Variants in CFI observed in about 807,000 individuals in gnomAD.
The protein encoded by CFI is C3B/C4B inactivator.
In CFI, 66 loss-of-function variants were observed where a neutral mutation model predicts 78.8. The observed-to-expected ratio is 0.84, with a 90% confidence interval of 0.69 to 1.03. The LOEUF is 1.03. CFI is among the 50% of genes least tolerant of loss of function. The probability of loss-of-function intolerance (pLI) is 0.00; values close to 1 mark genes in which losing one functional copy is unlikely to be tolerated. For missense variants in CFI, 706 were observed against 704.5 expected, an observed-to-expected ratio of 1.00 and a Z score of -0.02; for synonymous variants, 250 against 232.6, an observed-to-expected ratio of 1.07 and a Z score of -0.68.
At chr4:109,754,815 G>A (rs552653707) in intron 7 of CFI, among the ~76,000 whole-genome samples, 1 of 152,350 alleles carries the variant, frequency 6.6e-6, no homozygotes, top group South Asian at 2.1e-4. Flanking sequence ...AACAAAGGAA[G>A]ATGAGAAAGT....
intron 2 of CFI, among the ~76,000 whole-genome samples, chr4:109,766,099 C>CA (rs1727713698): frequency 6.6e-6 from 1 of 152,104 alleles, no homozygotes; most frequent in Admixed American, 6.5e-5. Context: ...GCCTGGGCAA[C>CA]AGAGCCAGAC....
intron 1 of CFI, among the ~76,000 whole-genome samples, chr4:109,776,355 T>A (rs1324904411): frequency 6.6e-6 from 1 of 151,978 alleles, no homozygotes; most frequent in Admixed American, 6.6e-5. Context: ...TTTGATCAAG[T>A]GGAAGAAAGG....
At chr4:109,733,577 G>T in the CFI span, among the ~76,000 whole-genome samples, 4 of 152,290 alleles carry the variant, frequency 2.6e-5, no homozygotes, top group South Asian at 8.3e-4. Flanking sequence ...GTGGAGGTGT[G>T]AAAAGTGGTC....
chr4:109,743,152 C>G (rs1276145074), intron 11 of CFI, among the ~76,000 whole-genome samples: 3 of 152,156 alleles, frequency 2.0e-5, no homozygotes, highest in Non-Finnish European at 4.4e-5. Flanking sequence ...CCCCACTCAG[C>G]CTCCCAAAGT....
intron 8 of CFI, 139 bp from the exon 9 acceptor site, chr4:109,749,741 T>C (rs1284767220): frequency 1.5e-6 from 1 of 652,326 alleles, no homozygotes; most frequent in Non-Finnish European, 2.8e-6. Flanking sequence ...TAAATTATTT[T>C]GAATGCTAAA....
downstream of CFI, among the ~76,000 whole-genome samples, chr4:109,738,759 A>G (rs1723529060): frequency 6.6e-6 from 1 of 152,210 alleles, no homozygotes; most frequent in African/African-American, 2.4e-5. Context: ...CAGCTGTCTA[A>G]GTCCGCCCAG....
chr4:109,768,221 G>A (rs1299063619), intron 1 of CFI, among the ~76,000 whole-genome samples: 2 of 138,762 alleles, frequency 1.4e-5, no homozygotes, highest in East Asian at 2.3e-4. Flanking sequence ...AACATGGCAC[G>A]TGTATGCATA....
downstream of CFI, among the ~76,000 whole-genome samples, chr4:109,738,376 T>C (rs2126175563): frequency 6.6e-6 from 1 of 152,266 alleles, no homozygotes; most frequent in Middle Eastern, 3.4e-3. Flanking sequence ...TCTCCCAAAG[T>C]GCTGAGATTA....
intron 12 of CFI, 56 bp from the exon 13 acceptor site, chr4:109,741,166 G>A (rs1223067302): frequency 1.9e-6 from 3 of 1,611,782 alleles, no homozygotes; most frequent in East Asian, 4.5e-5. Context: ...TTTCAAGGCT[G>A]CCATGCCTCC....
rs761808695 is a variant in CFI at position 109,760,404 on chromosome 4, GT to G, written c.773-25del. ...TGCTGTGCAAACATAAGCAGGAGAG[GT>G]TTTTTTCATTCCTTAAAGTTGAATG... On this transcript the variant is annotated intron_variant, in intron 5 of 12. Transcript: ENST00000394634. The G allele has an allele frequency of 3.3e-5, 53 of 1,588,444 alleles. 1 individual carries two copies. The highest frequency in any genetic ancestry group is 2.5e-4 in the South Asian group (23 of 90,554).
chr4:109,737,519 T>C (rs1723437185), downstream of CFI, among the ~76,000 whole-genome samples: 1 of 152,198 alleles, frequency 6.6e-6, no homozygotes, highest in Non-Finnish European at 1.5e-5. Flanking sequence ...GACAGAGAGC[T>C]CTGAAACCAG....
chr4:109,758,706 T>A (rs1162388594), intron 6 of CFI, among the ~76,000 whole-genome samples: 1 of 152,220 alleles, frequency 6.6e-6, no homozygotes, highest in Non-Finnish European at 1.5e-5. Flanking sequence ...CACACCAAGC[T>A]GATCAAGTAA....
intron 1 of CFI, among the ~76,000 whole-genome samples, chr4:109,786,333 A>T (rs1730737178): frequency 6.6e-6 from 1 of 152,106 alleles, no homozygotes; most frequent in African/African-American, 2.4e-5. Flanking sequence ...ATCCAGCCTA[A>T]AAATTATTTC....
chr4:109,788,180 T>G lies in CFI; in HGVS notation c.57+13735A>C, dbSNP rs548004941. Among the ~76,000 whole-genome samples, 191 of 152,264 alleles carry G rather than the reference T, an allele frequency of 1.3e-3. 1 individual carries two copies. Among genetic ancestry groups the G allele is most frequent in the African/African-American group, 4.3e-3 (177 of 41,554 alleles). On this transcript the variant is annotated intron_variant, in intron 1 of 12. Coordinates refer to ENST00000394634, the MANE Select transcript of CFI (RefSeq NM_000204.5). ...ATTATAAATAATGCTATGATGAATCTCCTTATATAATACACATCATTTCTC... is the reference window on the plus strand; with the variant it reads ...ATTATAAATAATGCTATGATGAATCGCCTTATATAATACACATCATTTCTC...
chr4:109,760,418 T>C (rs758703842), intron 5 of CFI, 38 bp from the exon 6 acceptor site: 5 of 1,554,802 alleles, frequency 3.2e-6, no homozygotes, highest in Non-Finnish European at 4.4e-6. Flanking sequence ...TTTTCATTCC[T>C]TAAAGTTGAA....
chr4:109,742,778 A>G (rs1723966562), intron 11 of CFI, among the ~76,000 whole-genome samples, 183 bp from the exon 12 acceptor site: 1 of 152,216 alleles, frequency 6.6e-6, no homozygotes, highest in Admixed American at 6.5e-5. Flanking sequence ...TTGGATGGAT[A>G]GTCAAGGGGG....
At chr4:109,740,167 T>G (rs2126176893), downstream of CFI, among the ~76,000 whole-genome samples, 2 of 152,174 alleles carry the variant, frequency 1.3e-5, 1 homozygote, top group South Asian at 4.1e-4. Context: ...AGTGTGCACC[T>G]GTAATCCCAG....
intron 12 of CFI, 182 bp downstream of exon 12, chr4:109,742,309 A>G (rs1305458502): frequency 4.9e-6 from 3 of 606,248 alleles, no homozygotes; most frequent in Non-Finnish European, 8.9e-6. Context: ...TTTTCCTCAT[A>G]GTATTAGAGG....
At chr4:109,742,255 C>A (rs937219870) in intron 12 of CFI, 1 of 502,004 alleles carries the variant, frequency 2.0e-6, no homozygotes. Flanking sequence ...AGGCCGTGCT[C>A]TTAGTCACCT....
Sources: allele counts gnomAD v4.1 joint callset (sites outside exome capture counted in the v4.1 genomes callset), GRCh38; gene constraint gnomAD v4.1.1; transcripts MANE v1.5; gene names NCBI Gene and HGNC (gene_info 2026-07-23, HGNC 2026-07-21).